PTK2: variants seen among roughly 807,000 people sequenced by gnomAD.
PTK2 encodes the protein focal adhesion kinase 1.
In PTK2, 45 loss-of-function variants were observed where a neutral mutation model predicts 150.1. The ratio of observed to expected loss-of-function variants is 0.30; its 90% CI spans 0.24 to 0.38. The LOEUF is 0.38. PTK2 is among the 10% of genes least tolerant of loss of function. The pLI is 1.00. For missense variants in PTK2, 919 were observed against 1,307.3 expected (o/e 0.70, Z 4.58); for synonymous variants, 432 against 449.2 (o/e 0.96, Z 0.48).
intron 1 of PTK2, chr8:140,940,615 G>A (rs575452019): frequency 6.6e-6 from 1 of 152,394 alleles, no homozygotes; most frequent in Admixed American, 6.5e-5. Flanking sequence ...GGCCTGGTTA[G>A]TAGTATTGGG....
chr8:140,936,863 C>CTT (rs34420883), intron 1 of PTK2, among the ~76,000 whole-genome samples: 81 of 150,142 alleles, frequency 5.4e-4, no homozygotes, highest in Admixed American at 1.9e-3. Flanking sequence ...TAGAGAACAT[C>CTT]TTTTTTTTTT....
In PTK2 at chr8:140,715,175, T is replaced by G. The variant is rs1482441673; in HGVS notation, c.2142+2423A>C. Among the ~76,000 whole-genome samples the G allele has an allele frequency of 3.1e-4, 40 of 129,998 alleles. No individual in the cohort carries two copies. The East Asian group carries it at 3.7e-3, about 12-fold the overall frequency. The allele number at this position is 129,998 out of a possible 152,430, so 85.3% of individuals were successfully genotyped here. On this transcript the variant is annotated intron_variant, in intron 23 of 31. Coordinates refer to ENST00000522684, the Ensembl canonical transcript of PTK2. ...AAACCGTTTTTTTTTTTTTTTTTTT[T>G]TTTTTTTTTTTTTTTTTGAGAGAGT...
intron 16 of PTK2, among the ~76,000 whole-genome samples, chr8:140,757,277 CTGTT>C (rs746554107): frequency 3.9e-5 from 6 of 152,214 alleles, no homozygotes; most frequent in South Asian, 2.1e-4. Context: ...CTAAATTTGT[CTGTT>C]TGTTTCTTTT....
intron 1 of PTK2, among the ~76,000 whole-genome samples, chr8:140,942,928 C>A (rs572229867): frequency 3.9e-5 from 6 of 152,150 alleles, no homozygotes; most frequent in African/African-American, 1.4e-4. Context: ...CATGTGAGAT[C>A]TGGTTGTTTA....
intron 17 of PTK2, chr8:140,747,111 C>T (rs1325347941): frequency 2.1e-5 from 7 of 337,166 alleles, no homozygotes; most frequent in African/African-American, 1.1e-4. Context: ...AGGATGGTCT[C>T]GATCTCTTGA....
intron 31 of PTK2, among the ~76,000 whole-genome samples, chr8:140,661,018 G>A (rs182707133): frequency 5.5e-4 from 83 of 152,282 alleles, no homozygotes; most frequent in Admixed American, 8.5e-4. Context: ...AATAAATCAC[G>A]TAGTAGAAAA....
At chr8:140,819,690 A>G (rs544166090) in intron 8 of PTK2, among the ~76,000 whole-genome samples, 1 of 152,380 alleles carries the variant, frequency 6.6e-6, no homozygotes, top group South Asian at 2.1e-4. Flanking sequence ...AGCATGGAGT[A>G]CAGATGCCTT....
At chr8:140,766,567 T>C (rs202144121) in intron 14 of PTK2, among the ~76,000 whole-genome samples, 43 of 152,328 alleles carry the variant, frequency 2.8e-4, no homozygotes, top group East Asian at 1.5e-3. Context: ...GAGTGGAACC[T>C]TCACGTATCT....
In PTK2 at chr8:140,714,796, CAAAAAAAA is replaced by C. The variant is rs398010102; in HGVS notation, c.2142+2794_2142+2801del. ...CGGGCAATAGAGCAAGGCTCTGTCT[CAAAAAAAA>C]AAAAAAAAAAAAAAAAAATCTAAGT... On this transcript the variant is annotated intron_variant, in intron 23 of 31. Transcript: ENST00000522684. Among the ~76,000 whole-genome samples the C allele has an allele frequency of 8.5e-5, 4 of 46,864 alleles. No homozygotes were observed. The East Asian group carries it at 3.4e-3, about 39-fold the overall frequency. The allele number at this position is 46,864 out of a possible 152,430, so 30.7% of individuals were successfully genotyped here. A position where few individuals can be genotyped will look rare whatever the true frequency, so the allele number is the denominator to read the frequency against.
At chr8:140,969,735 A>C (rs540866192) in intron 1 of PTK2, among the ~76,000 whole-genome samples, 84 of 152,338 alleles carry the variant, frequency 5.5e-4, no homozygotes, top group Non-Finnish European at 5.9e-4. Context: ...TTTAAAAGCT[A>C]CCTTTATGCT....
intron 8 of PTK2, chr8:140,820,654 C>T (rs1271717973): frequency 6.6e-6 from 1 of 150,798 alleles, no homozygotes; most frequent in Non-Finnish European, 1.5e-5. Flanking sequence ...ACAGGATATG[C>T]TAATAATTAA....
At chr8:140,968,396 G>A (rs759936845) in intron 1 of PTK2, among the ~76,000 whole-genome samples, 6 of 152,134 alleles carry the variant, frequency 3.9e-5, no homozygotes, top group South Asian at 2.1e-4. Flanking sequence ...AAAAAAAATC[G>A]TTTTTAATTA....
chr8:140,803,379 G>A (rs1288465958), intron 11 of PTK2, among the ~76,000 whole-genome samples, 164 bp downstream of exon 11: 1 of 151,692 alleles, frequency 6.6e-6, no homozygotes, highest in Non-Finnish European at 1.5e-5. Flanking sequence ...CTATTCTTGG[G>A]GACATTTAAT....
intron 30 of PTK2, among the ~76,000 whole-genome samples, chr8:140,666,707 C>T (rs919063444): frequency 3.3e-5 from 5 of 152,132 alleles, no homozygotes; most frequent in African/African-American, 1.2e-4. Flanking sequence ...CTGTGAAAAA[C>T]AGAATGGTGG....
intron 1 of PTK2, among the ~76,000 whole-genome samples, chr8:140,997,739 G>A (rs1275337495): frequency 6.6e-6 from 1 of 152,166 alleles, no homozygotes; most frequent in Non-Finnish European, 1.5e-5. Context: ...AGGAGTTCAC[G>A]ACCAACTTGT....
At chr8:140,943,685 C>T (rs1395059685) in intron 1 of PTK2, among the ~76,000 whole-genome samples, 1 of 152,224 alleles carries the variant, frequency 6.6e-6, no homozygotes, top group African/African-American at 2.4e-5. Flanking sequence ...TTTTGCACTT[C>T]CACCAGCAAA....
chr8:140,765,608 TAAG>T (rs1231090950), intron 14 of PTK2, among the ~76,000 whole-genome samples: 1 of 152,236 alleles, frequency 6.6e-6, no homozygotes, highest in Non-Finnish European at 1.5e-5. Context: ...TATACGTTTA[TAAG>T]AATACTTAAA....
chr8:140,845,263 T>A (rs1295148395), intron 7 of PTK2, among the ~76,000 whole-genome samples: 1 of 152,300 alleles, frequency 6.6e-6, no homozygotes, highest in Non-Finnish European at 1.5e-5. Context: ...CCAGACTCTT[T>A]GAAGAATGTA....
intron 27 of PTK2, among the ~76,000 whole-genome samples, chr8:140,683,519 T>A (rs1317962309): frequency 6.6e-6 from 1 of 152,164 alleles, no homozygotes; most frequent in Admixed American, 6.5e-5. Context: ...AGAATCATTC[T>A]GAGTCCCAAA....
Sources: gnomAD v4.1 joint callset for allele counts (sites outside exome capture counted in the v4.1 genomes callset) on GRCh38, gnomAD v4.1.1 for gene constraint, MANE v1.5 for transcripts, NCBI Gene and HGNC (gene_info 2026-07-23, HGNC 2026-07-21) for gene names.